The following TCF12 variants were observed in gnomAD, a reference collection of about 807,000 sequenced individuals.
TCF12 encodes DNA-binding protein HTF4.
Under a neutral mutation model 86.0 loss-of-function variants are expected in TCF12, and 45 were observed. The observed-to-expected ratio is 0.52, with a 90% CI of 0.41 to 0.67. TCF12 has a LOEUF of 0.67. Among genes scored for constraint, TCF12 ranks in the 30% least tolerant of loss-of-function variants. The pLI, the probability that TCF12 is intolerant of heterozygous loss-of-function variation, is 0.00. For missense variants in TCF12, 881 were observed against 859.9 expected (o/e 1.02, Z -0.31); for synonymous variants, 330 against 299.6 (o/e 1.10, Z -1.05).
At chr15:57,140,416 T>G (rs1461730712) in intron 5 of TCF12, among the ~76,000 whole-genome samples, 2 of 152,204 alleles carry the variant, frequency 1.3e-5, no homozygotes, top group East Asian at 3.8e-4. Context: ...CTTAAAAGGT[T>G]CATCATCCAA....
rs535076782 is a variant in TCF12 at position 57,201,124 on chromosome 15, T to G, written c.579+3299T>G. On this transcript the variant is annotated intron_variant, in intron 8 of 20. Transcript: ENST00000333725. ...AAAGCACATGAGATTCTCCACTTGC[T>G]TTTCTAGACAGATTTAAAGATTGGG... Among the ~76,000 whole-genome samples the G allele has an allele frequency of 2.0e-5, 3 of 152,294 alleles. 1 individual carries two copies. In the South Asian group the frequency reaches 6.2e-4, roughly 32 times the overall value.
At chr15:57,233,310 G>A (rs1194699084) in intron 11 of TCF12, among the ~76,000 whole-genome samples, 1 of 151,740 alleles carries the variant, frequency 6.6e-6, no homozygotes, top group African/African-American at 2.4e-5. Flanking sequence ...CCAGTAGCTG[G>A]GACTACAGGC....
rs1346458367 is a variant in TCF12, at chr15:57,247,749, C to T, written c.1115-3601C>T. On this transcript the variant is annotated intron_variant, in intron 13 of 20. Coordinates refer to ENST00000333725, the MANE Select transcript of TCF12 (RefSeq NM_207037.2). ...CTCTTTGGTTCCACTACACACCTGT[C>T]AGCCTTGTGTGGTCTAGCACACCTT... 4 of 735,768 alleles carry T rather than the reference C, an allele frequency of 5.4e-6. No homozygotes were observed. In the Admixed American group the frequency reaches 7.2e-5, roughly 13 times the overall value. 45.6% of individuals were successfully genotyped at this position (735,768 alleles called of 1,614,324 possible).
At chr15:57,170,662 T>A (rs1358395269) in intron 6 of TCF12, among the ~76,000 whole-genome samples, 10 of 8,560 alleles carry the variant, frequency 1.2e-3, no homozygotes, top group Admixed American at 3.7e-3. Flanking sequence ...TTATATAAAA[T>A]ATATATATAT....
chr15:57,243,212 C>CT (rs2059709937), intron 12 of TCF12, among the ~76,000 whole-genome samples: 1 of 152,124 alleles, frequency 6.6e-6, no homozygotes, highest in Admixed American at 6.5e-5. Context: ...CTAACAGAAA[C>CT]TTTAAGTTAT....
At chr15:57,251,795 T>C (rs1190868505) in intron 14 of TCF12, among the ~76,000 whole-genome samples, 1 of 152,214 alleles carries the variant, frequency 6.6e-6, no homozygotes, top group Non-Finnish European at 1.5e-5. Context: ...CCCTTTTGTA[T>C]TTTACACTTT....
At chr15:57,255,812 T>C (rs1244429366) in intron 16 of TCF12, among the ~76,000 whole-genome samples, 1 of 151,956 alleles carries the variant, frequency 6.6e-6, no homozygotes, top group African/African-American at 2.4e-5. Context: ...AAAAAAAATC[T>C]CAAATTAGTC....
chr15:57,110,874 CATT>C (rs2050440689), intron 5 of TCF12, among the ~76,000 whole-genome samples: 1 of 152,092 alleles, frequency 6.6e-6, no homozygotes, highest in African/African-American at 2.4e-5. Flanking sequence ...TTATTGCCAA[CATT>C]AATTATTATG....
intron 5 of TCF12, among the ~76,000 whole-genome samples, chr15:57,108,222 G>A (rs1178464722): frequency 6.6e-6 from 1 of 152,106 alleles, no homozygotes; most frequent in Non-Finnish European, 1.5e-5. Context: ...AGATGTGTGG[G>A]GTGAGGGAAA....
At chr15:57,132,314 C>G (rs1022699041) in intron 5 of TCF12, among the ~76,000 whole-genome samples, 1 of 152,084 alleles carries the variant, frequency 6.6e-6, no homozygotes, top group Admixed American at 6.5e-5. Context: ...GCCTTTTGTG[C>G]AAAGTGTAGT....
At chr15:57,067,457 G>A (rs1274383936) in intron 4 of TCF12, among the ~76,000 whole-genome samples, 3 of 99,644 alleles carry the variant, frequency 3.0e-5, no homozygotes, top group Non-Finnish European at 6.2e-5. Context: ...GGAGAATGGC[G>A]TGAACCCGGG....
chr15:57,257,698 T>C (rs1001723393), intron 16 of TCF12, among the ~76,000 whole-genome samples: 1 of 114,736 alleles, frequency 8.7e-6, no homozygotes, highest in East Asian at 2.8e-4. Context: ...TATATATATA[T>C]ATATAGTGGT....
intron 3 of TCF12, among the ~76,000 whole-genome samples, chr15:56,987,038 G>A (rs1198942551): frequency 7.9e-5 from 12 of 151,708 alleles, no homozygotes; most frequent in Non-Finnish European, 1.5e-5. Flanking sequence ...TGAGGATAAC[G>A]CCAATACTTG....
At chr15:56,918,393 G>GTTAT, upstream of TCF12, 2 of 368,848 alleles carry the variant, frequency 5.4e-6, no homozygotes, top group East Asian at 8.1e-5. Context: ...CCCGGACGAG[G>GTTAT]CTTCGTCGGC....
chr15:56,983,949 C>T (rs1195757487), intron 3 of TCF12, among the ~76,000 whole-genome samples: 4 of 129,636 alleles, frequency 3.1e-5, no homozygotes, highest in Non-Finnish European at 4.7e-5. Flanking sequence ...CTGCAGTAAA[C>T]TATGATTGTG....
At chr15:57,112,528 TAGCAATC>T (rs1416116537) in intron 5 of TCF12, among the ~76,000 whole-genome samples, 1 of 152,166 alleles carries the variant, frequency 6.6e-6, no homozygotes, top group Non-Finnish European at 1.5e-5. Context: ...GATTGCTGTA[TAGCAATC>T]TAAGGAGTAT....
chr15:57,142,504 G>T (rs1201579374), intron 5 of TCF12, among the ~76,000 whole-genome samples: 2 of 47,726 alleles, frequency 4.2e-5, no homozygotes, highest in African/African-American at 8.8e-5. Context: ...GGCCAAATCT[G>T]TACATTTTGA....
At chr15:57,203,078 T>C (rs1165967804) in intron 8 of TCF12, among the ~76,000 whole-genome samples, 6 of 152,252 alleles carry the variant, frequency 3.9e-5, no homozygotes, top group African/African-American at 1.4e-4. Flanking sequence ...GTGTATATAA[T>C]GTATGTGCCT....
chr15:56,954,787 A>T (rs953758496), intron 3 of TCF12, among the ~76,000 whole-genome samples: 1 of 152,204 alleles, frequency 6.6e-6, no homozygotes, highest in South Asian at 2.1e-4. Flanking sequence ...TCAAAATAAG[A>T]TATCTGTGCA....
Sources: gnomAD v4.1 joint callset for allele counts (sites outside exome capture counted in the v4.1 genomes callset) on GRCh38, gnomAD v4.1.1 for gene constraint, MANE v1.5 for transcripts, NCBI Gene and HGNC (gene_info 2026-07-23, HGNC 2026-07-21) for gene names.